Variants in ANKS1B observed in about 807,000 individuals in gnomAD.
ANKS1B encodes the protein ankyrin repeat and sterile alpha motif domain containing 1B, also known as ankyrin repeat and sterile alpha motif domain-containing protein 1B.
In ANKS1B, 36 loss-of-function variants were observed where a neutral mutation model predicts 148.3. The ratio of observed to expected loss-of-function variants is 0.24; its 90% CI spans 0.19 to 0.32. The LOEUF (loss-of-function observed/expected upper bound fraction) is 0.32, where lower values mean the gene tolerates loss of function less well. Among genes scored for constraint, ANKS1B ranks in the 10% least tolerant of loss-of-function variants. The pLI is 1.00. For synonymous variants in ANKS1B, 542 were observed against 560.8 expected, an observed-to-expected ratio of 0.97 and a Z score of 0.47; for missense variants, 1,157 against 1,542.6, an observed-to-expected ratio of 0.75 and a Z score of 4.19.
chr12:99,975,420 T>TA lies in ANKS1B; in HGVS notation c.134+8683dup, dbSNP rs530651272. On this transcript the variant is annotated intron_variant, in intron 1 of 26. Transcript: ENST00000683438. ...AGAAAAGGCACTGGGTCCATGACGTTAGAGGATAAATTAACATTGAGGTAT... is the reference window on the plus strand; with the variant it reads ...AGAAAAGGCACTGGGTCCATGACGTTAAGAGGATAAATTAACATTGAGGTAT... Among the ~76,000 whole-genome samples the TA allele has an allele frequency of 1.8e-4, 28 of 152,348 alleles. No individual in the cohort carries two copies. In the East Asian group the frequency reaches 4.4e-3, roughly 24 times the overall value.
chr12:99,080,869 C>CT (rs1328441008), intron 16 of ANKS1B, among the ~76,000 whole-genome samples: 2 of 152,164 alleles, frequency 1.3e-5, no homozygotes, highest in East Asian at 3.9e-4. Context: ...TCTTGTGGAA[C>CT]TTTGGGTTTG....
At chr12:99,008,690 C>T (rs780861351) in intron 17 of ANKS1B, among the ~76,000 whole-genome samples, 6 of 151,990 alleles carry the variant, frequency 3.9e-5, no homozygotes, top group Non-Finnish European at 7.4e-5. Flanking sequence ...ACATCATCCT[C>T]GTTACAAATT....
At chr12:99,210,470 G>A (rs941683402) in intron 14 of ANKS1B, among the ~76,000 whole-genome samples, 11 of 152,148 alleles carry the variant, frequency 7.2e-5, no homozygotes, top group Admixed American at 2.0e-4. Flanking sequence ...GATTGGTCAT[G>A]TCAAACCCAG....
intron 1 of ANKS1B, among the ~76,000 whole-genome samples, chr12:99,957,216 C>T (rs1433605923): frequency 6.6e-6 from 1 of 152,178 alleles, no homozygotes; most frequent in African/African-American, 2.4e-5. Context: ...CTCCTTTTAG[C>T]CAAATCTGAT....
chr12:99,399,706 C>G lies in ANKS1B; in HGVS notation c.1681G>C (p.Ala561Pro), dbSNP rs1421460995. Reference sequence around the variant, plus strand: ...GTGGGTGGACTAGCAGGAGGACTGGCAGTAAAGCTTGTGCACCCTGTAGAT... The same window carrying G: ...GTGGGTGGACTAGCAGGAGGACTGGGAGTAAAGCTTGTGCACCCTGTAGAT... ...NTSTGCTSFT[A>P]SPPASPPTSS... The change falls in exon 12 of 27, where the codon GCC becomes CCC. Residue 561 changes from alanine to proline, a missense_variant. Around this residue, in one of 6 missense-constraint regions of ANKS1B, gnomAD observed 661 missense variants for 642.1 expected, o/e 1.03. Coordinates refer to ENST00000683438, the MANE Select transcript of ANKS1B (RefSeq NM_001352186.2). 4 of 1,613,396 alleles carry G rather than the reference C, an allele frequency of 2.5e-6. No individual in the cohort carries two copies. In the Admixed American group the frequency reaches 6.7e-5, roughly 27 times the overall value.
chr12:99,306,683 T>C (rs2082394233), intron 12 of ANKS1B, among the ~76,000 whole-genome samples: 1 of 152,140 alleles, frequency 6.6e-6, no homozygotes, highest in South Asian at 2.1e-4. Flanking sequence ...GGTGATCTGG[T>C]CACTGTCCTT....
rs141470798 is a variant in ANKS1B at position 98,938,473 on chromosome 12, C to T, written c.2779-106337G>A. Among the ~76,000 whole-genome samples the T allele has an allele frequency of 6.9e-3, 1,057 of 152,128 alleles. 14 individuals are homozygous for T. The highest frequency in any genetic ancestry group is 0.023 in the African/African-American group (951 of 41,488). ...AGGCATCTGTGGTTTTTAAAAGCTC[C>T]CCAGATGATTTTCATGTGCAGGCAG... On this transcript the variant is annotated intron_variant, in intron 17 of 26. Coordinates refer to ENST00000683438, the MANE Select transcript of ANKS1B (RefSeq NM_001352186.2).
intron 9 of ANKS1B, among the ~76,000 whole-genome samples, chr12:99,551,118 A>G (rs2097213637): frequency 2.6e-5 from 4 of 152,196 alleles, no homozygotes; most frequent in Admixed American, 2.6e-4. Flanking sequence ...CAAATATGGA[A>G]TCAAGAAATT....
At chr12:99,956,591 C>G (rs2095327718) in intron 1 of ANKS1B, among the ~76,000 whole-genome samples, 1 of 152,160 alleles carries the variant, frequency 6.6e-6, no homozygotes, top group African/African-American at 2.4e-5. Flanking sequence ...AGCCTCTAAA[C>G]AGACATAGCC....
intron 11 of ANKS1B, among the ~76,000 whole-genome samples, chr12:99,402,671 T>G (rs1357373525): frequency 1.4e-5 from 2 of 146,262 alleles, no homozygotes; most frequent in African/African-American, 5.2e-5. Context: ...TATGGCTGCA[T>G]AGTATTCCGT....
At chr12:99,349,069 A>G (rs1036596258) in intron 12 of ANKS1B, among the ~76,000 whole-genome samples, 1 of 151,926 alleles carries the variant, frequency 6.6e-6, no homozygotes, top group African/African-American at 2.4e-5. Flanking sequence ...ATTAAAGCAG[A>G]GTTTTATATA....
At chr12:99,236,279 T>A (rs1160176838) in intron 14 of ANKS1B, among the ~76,000 whole-genome samples, 2 of 152,198 alleles carry the variant, frequency 1.3e-5, no homozygotes, top group African/African-American at 4.8e-5. Flanking sequence ...TCTTCCTATT[T>A]GGATGCTGTT....
chr12:99,888,376 A>G (rs2092930256), intron 1 of ANKS1B, among the ~76,000 whole-genome samples: 1 of 152,238 alleles, frequency 6.6e-6, no homozygotes, highest in Non-Finnish European at 1.5e-5. Flanking sequence ...TTTGTTAGAC[A>G]CTCACACACA....
chr12:99,856,937 GGAAAATGTT>G (rs1298648492), intron 1 of ANKS1B, among the ~76,000 whole-genome samples: 1 of 152,252 alleles, frequency 6.6e-6, no homozygotes, highest in East Asian at 1.9e-4. Context: ...ATACTGAACA[GGAAAATGTT>G]GAAAGCATTA....
At chr12:99,469,453 T>A (rs574281659) in intron 10 of ANKS1B, among the ~76,000 whole-genome samples, 26 of 151,374 alleles carry the variant, frequency 1.7e-4, no homozygotes, top group East Asian at 3.9e-4. Flanking sequence ...TAATAAAATT[T>A]AAAAAAAAAT....
chr12:99,657,990 T>C (rs1400901877), intron 8 of ANKS1B, among the ~76,000 whole-genome samples: 1 of 150,982 alleles, frequency 6.6e-6, no homozygotes, highest in African/African-American at 2.4e-5. Flanking sequence ...ATATCCAAAT[T>C]CCTTAATCTG....
At chr12:98,947,291 G>T (rs74878047) in intron 17 of ANKS1B, among the ~76,000 whole-genome samples, 1,794 of 152,304 alleles carry the variant, frequency 0.012, 45 homozygotes, top group African/African-American at 0.041. Context: ...AAAGGAAGGT[G>T]CAGGGAGCTG....
chr12:98,763,472 G>A (rs940545115), intron 25 of ANKS1B, among the ~76,000 whole-genome samples: 1 of 152,162 alleles, frequency 6.6e-6, no homozygotes, highest in Non-Finnish European at 1.5e-5. Context: ...AGCTTCTTTA[G>A]GGCTAATTTT....
At chr12:99,592,482 A>G (rs1185220739) in intron 9 of ANKS1B, among the ~76,000 whole-genome samples, 1 of 148,322 alleles carries the variant, frequency 6.7e-6, no homozygotes, top group Non-Finnish European at 1.5e-5. Context: ...TTGGAAATGA[A>G]AAAAAAAAAA....
Sources: allele counts gnomAD v4.1 joint callset (sites outside exome capture counted in the v4.1 genomes callset), GRCh38; gene constraint gnomAD v4.1.1; regional missense constraint gnomAD v4.1.1; transcripts MANE v1.5; gene names NCBI Gene and HGNC (gene_info 2026-07-23, HGNC 2026-07-21).